PKP1: variants seen among roughly 807,000 people sequenced by gnomAD.
PKP1 encodes plakophilin 1.
A neutral mutation model predicts 76.4 loss-of-function variants in PKP1; 27 were observed. That is an observed-to-expected ratio of 0.35 (90% CI 0.26 to 0.49). PKP1 has a LOEUF of 0.49. Among genes scored for constraint, PKP1 ranks in the 20% least tolerant of loss-of-function variants. The pLI is 0.99. For synonymous variants in PKP1, 404 were observed against 384.2 expected (o/e 1.05, Z -0.60); for missense variants, 964 against 955.2 (o/e 1.01, Z -0.12).
Position 201,320,259 on chromosome 1 carries a change from T to TC in PKP1, c.1233-3dup. 6.3e-7 allele frequency: 1 copy of TC among 1,593,480 alleles called. No individual in the cohort carries two copies. The highest frequency in any genetic ancestry group is 8.6e-7 in the Non-Finnish European group (1 of 1,162,314). On this transcript the variant is annotated splice_polypyrimidine_tract_variant and splice_region_variant and intron_variant, in intron 6 of 13. Transcript: ENST00000367324. Reference sequence around the variant, plus strand: ...CTCTGCCCTCTTCCACCCTCTTCTCTCCCCCAGGAACCTGAGCTCGGCCGA... The same window carrying TC: ...CTCTGCCCTCTTCCACCCTCTTCTCTCCCCCCAGGAACCTGAGCTCGGCCGA...
In PKP1 at chr1:201,283,588, G is replaced by T; in HGVS notation, c.-115G>T. 4 of 926,454 alleles carry T rather than the reference G, an allele frequency of 4.3e-6. No homozygotes were observed. Among genetic ancestry groups the T allele is most frequent in the Non-Finnish European group, 5.1e-6 (3 of 587,818 alleles). 57.4% of individuals were successfully genotyped at this position (926,454 alleles called of 1,614,324 possible). ...CACGCGGACCACGCACTCTATGGCCGTAGGGAGCCGCTGAGAGCGAGAAGA... is the reference window on the plus strand; with the variant it reads ...CACGCGGACCACGCACTCTATGGCCTTAGGGAGCCGCTGAGAGCGAGAAGA... On this transcript the variant is annotated 5_prime_UTR_variant, in exon 1 of 14. Transcript: ENST00000367324.
chr1:201,312,696 G>C (rs1656596744), intron 2 of PKP1, among the ~76,000 whole-genome samples: 1 of 152,212 alleles, frequency 6.6e-6, no homozygotes, highest in Admixed American at 6.5e-5. Context: ...GACCCGTTCT[G>C]TGTCTGTGGG....
rs773660083 is a variant in PKP1, at chr1:201,318,800, G to A, written c.1232+5G>A. The A allele has an allele frequency of 1.9e-6, 3 of 1,592,160 alleles. No individual in the cohort carries two copies. The highest frequency in any genetic ancestry group is 2.6e-6 in the Non-Finnish European group (3 of 1,169,714). On this transcript the variant is annotated splice_donor_5th_base_variant and intron_variant, in intron 6 of 13. Transcript: ENST00000367324. The stretch of plus-strand genomic sequence containing the variant: ...CAATGCCACAGGCTGCTTGAGGTGA[G>A]AGAAGAGGATACATGGGGTCTTTTT...
intron 2 of PKP1, among the ~76,000 whole-genome samples, chr1:201,307,358 C>T (rs764458744): frequency 1.3e-5 from 2 of 152,178 alleles, no homozygotes; most frequent in African/African-American, 2.4e-5. Flanking sequence ...AGAGAAGGAG[C>T]CGTGCCCAGA....
At chr1:201,302,938 G>A (rs368560237) in intron 2 of PKP1, among the ~76,000 whole-genome samples, 16 of 152,210 alleles carry the variant, frequency 1.1e-4, no homozygotes, top group East Asian at 5.8e-4. Context: ...TCAGAGAGGC[G>A]AGGCGACGGC....
chr1:201,313,250 C>A lies in PKP1; in HGVS notation c.391C>A (p.Pro131Thr), dbSNP rs767417910. 7 of 1,604,990 alleles carry A rather than the reference C, an allele frequency of 4.4e-6. No individual in the cohort carries two copies. The South Asian group carries it at 7.8e-5, about 18-fold the overall frequency. The change falls in exon 3 of 14, where the codon CCC becomes ACC. Residue 131 changes from proline (P) to threonine (T), a missense_variant. Pro to Thr is a conservative substitution (Grantham distance 38, BLOSUM62 -1). Coordinates refer to ENST00000367324, the MANE Select transcript of PKP1 (RefSeq NM_001005337.3). The stretch of plus-strand genomic sequence containing the variant: ...GATGGAGAACTGGAGCCGGCACTAC[C>A]CCCGGGGCAGCTGTAACACCACCGG... The part of the protein sequence containing the change: ...SQMENWSRHY[P>T]RGSCNTTGAG...
chr1:201,302,434 A>G (rs1275537390), intron 2 of PKP1, among the ~76,000 whole-genome samples: 4 of 152,318 alleles, frequency 2.6e-5, no homozygotes, highest in East Asian at 1.9e-4. Context: ...CAAGCAGGGC[A>G]TGGGATTAAG....
chr1:201,320,478 C>T (rs1183777971), intron 7 of PKP1, 97 bp downstream of exon 7: 2 of 782,214 alleles, frequency 2.6e-6, no homozygotes, highest in African/African-American at 1.7e-5. Flanking sequence ...GACAGGAGCA[C>T]AGACTCAGGG....
In PKP1 at chr1:201,321,981, G is replaced by C. The variant is rs760110335; in HGVS notation, c.1351G>C (p.Val451Leu). The stretch of plus-strand genomic sequence containing the variant: ...CATGCCTCTCCTTGGTCCCCAGTCT[G>C]TGGAAAACTGCATGTGTGTTCTGCA... ...VAASRCDDKS[V>L]ENCMCVLHNL... The change falls in exon 8 of 14, where the codon GTG becomes CTG. Residue 451 changes from valine (V) to leucine (L), a missense_variant. By Grantham distance (32) the Val-to-Leu change is conservative (BLOSUM62 1). Coordinates refer to ENST00000367324, the MANE Select transcript of PKP1 (RefSeq NM_001005337.3). 2 of 1,613,918 alleles carry C rather than the reference G, an allele frequency of 1.2e-6. No homozygotes were observed. The highest frequency in any genetic ancestry group is 1.7e-6 in the Non-Finnish European group (2 of 1,180,008).
At position 201,283,538 on chromosome 1, in the gene PKP1, G is replaced by T. The variant is rs937485746; in HGVS notation, c.-165G>T. ...GAGAGGGACGAACCAGGGTGGAAGC[G>T]CCAGGAGCAGCTGCAGGGAGCCCTC... On this transcript the variant is annotated 5_prime_UTR_variant, in exon 1 of 14. Transcript: ENST00000367324. 2.9e-6 allele frequency: 2 copies of T among 691,104 alleles called. No homozygotes were observed. Among genetic ancestry groups the T allele is most frequent in the Admixed American group, 2.1e-5 (1 of 48,164 alleles). 42.8% of individuals were successfully genotyped at this position (691,104 alleles called of 1,614,324 possible).
intron 10 of PKP1, 100 bp downstream of exon 10, chr1:201,324,681 G>A (rs1657055322): frequency 4.1e-6 from 6 of 1,457,228 alleles, no homozygotes; most frequent in South Asian, 2.3e-5. Context: ...TCCCTGGGAT[G>A]AGCATTCCAA....
rs1657223730 is a variant in PKP1 at position 201,328,757 on chromosome 1, T to C, written c.2107-5T>C. The C allele has an allele frequency of 6.2e-7, 1 of 1,613,958 alleles. No homozygotes were observed. The highest frequency in any genetic ancestry group is 8.5e-7 in the Non-Finnish European group (1 of 1,179,818). On this transcript the variant is annotated splice_polypyrimidine_tract_variant and splice_region_variant and intron_variant, in intron 12 of 13. Transcript: ENST00000367324. The stretch of plus-strand genomic sequence containing the variant: ...GTCATTTGGTTGCTGTTTCTCCCTT[T>C]GCAGCAAGGTTTCGATAGGAACATG...
intron 1 of PKP1, among the ~76,000 whole-genome samples, chr1:201,289,723 C>T (rs1309454076): frequency 2.1e-5 from 3 of 141,866 alleles, no homozygotes; most frequent in Non-Finnish European, 4.6e-5. Flanking sequence ...CACACACACA[C>T]ACAGTGTACA....
chr1:201,319,362 C>A (rs1571559342), intron 6 of PKP1, among the ~76,000 whole-genome samples: 1 of 152,158 alleles, frequency 6.6e-6, no homozygotes. Flanking sequence ...GGAGGGGCGG[C>A]TGGTACAGGG....
At chr1:201,301,247 C>T (rs1656219411) in intron 2 of PKP1, among the ~76,000 whole-genome samples, 1 of 152,146 alleles carries the variant, frequency 6.6e-6, no homozygotes, top group African/African-American at 2.4e-5. Flanking sequence ...CTTGTCACTG[C>T]TAAGGGACTC....
intron 3 of PKP1, 34 bp from the exon 4 acceptor site, chr1:201,316,519 C>T (rs1053367524): frequency 3.2e-6 from 5 of 1,578,112 alleles, no homozygotes; most frequent in Non-Finnish European, 4.3e-6. Context: ...TCCCAGCCCA[C>T]CCCGTAACCA....
chr1:201,320,423 C>A (rs991796805), intron 7 of PKP1, 42 bp downstream of exon 7: 3 of 1,306,070 alleles, frequency 2.3e-6, no homozygotes, highest in Non-Finnish European at 3.3e-6. Context: ...CTAGGCCCAG[C>A]CCCCTACATT....
At chr1:201,305,936 C>A (rs1400469762) in intron 2 of PKP1, among the ~76,000 whole-genome samples, 1 of 152,192 alleles carries the variant, frequency 6.6e-6, no homozygotes, top group East Asian at 1.9e-4. Context: ...GAACATGGAG[C>A]TCCTGGAGGG....
At chr1:201,291,983 T>C (rs1655927490) in intron 1 of PKP1, among the ~76,000 whole-genome samples, 1 of 152,194 alleles carries the variant, frequency 6.6e-6, no homozygotes. Flanking sequence ...GGAAGAGCTG[T>C]GTGCACTCTA....
Sources: gnomAD v4.1 joint callset for allele counts (sites outside exome capture counted in the v4.1 genomes callset) on GRCh38, gnomAD v4.1.1 for gene constraint, MANE v1.5 for transcripts, NCBI Gene and HGNC (gene_info 2026-07-23, HGNC 2026-07-21) for gene names.